RFX3: variants seen among roughly 807,000 people sequenced by gnomAD.
RFX3 encodes the protein transcription factor RFX3.
In RFX3, 14 loss-of-function variants were observed where a neutral mutation model predicts 98.6. The ratio of observed to expected loss-of-function variants is 0.14; its 90% CI spans 0.09 to 0.22. The LOEUF is 0.22. RFX3 is among the 10% of genes least tolerant of loss of function. The probability of loss-of-function intolerance (pLI) is 1.00; values close to 1 mark genes in which losing one functional copy is unlikely to be tolerated. For synonymous variants in RFX3, 383 were observed against 328.4 expected (o/e 1.17, Z -1.80); for missense variants, 639 against 926.9 (o/e 0.69, Z 4.03).
intron 7 of RFX3, among the ~76,000 whole-genome samples, chr9:3,279,663 T>C (rs367577041): frequency 2.0e-5 from 3 of 151,854 alleles, no homozygotes; most frequent in African/African-American, 7.2e-5. Flanking sequence ...AGACAGATGT[T>C]ACATCACAAT....
intron 2 of RFX3, among the ~76,000 whole-genome samples, chr9:3,388,534 C>A (rs75869866): frequency 6.6e-6 from 1 of 152,022 alleles, no homozygotes; most frequent in Non-Finnish European, 1.5e-5. Context: ...TATTCTATTC[C>A]TTTTAATGAC....
At chr9:3,235,101 T>C (rs1180930914) in intron 15 of RFX3, among the ~76,000 whole-genome samples, 1 of 152,232 alleles carries the variant, frequency 6.6e-6, no homozygotes, top group Admixed American at 6.5e-5. Flanking sequence ...AAGTCGAGAA[T>C]GACAGAAAAG....
intron 13 of RFX3, among the ~76,000 whole-genome samples, chr9:3,262,562 A>G (rs148832982): frequency 1.3e-5 from 2 of 152,222 alleles, no homozygotes; most frequent in African/African-American, 4.8e-5. Context: ...AGGTGTTGTA[A>G]GGTGGGGAAA....
chr9:3,437,928 G>C (rs1396608960), intron 1 of RFX3, among the ~76,000 whole-genome samples: 2 of 151,764 alleles, frequency 1.3e-5, no homozygotes, highest in African/African-American at 4.8e-5. Context: ...GGAAAGAATG[G>C]GTAGAGAGAC....
intron 1 of RFX3, among the ~76,000 whole-genome samples, chr9:3,415,619 C>T (rs1197284046): frequency 6.6e-6 from 1 of 152,098 alleles, no homozygotes; most frequent in African/African-American, 2.4e-5. Flanking sequence ...AAGGACTAAT[C>T]CCCTAAGATA....
Position 3,504,887 on chromosome 9 carries a change from A to G in RFX3, c.-9+20860T>C, listed in dbSNP as rs868112804. Among the ~76,000 whole-genome samples the G allele has an allele frequency of 2.6e-3, 162 of 63,164 alleles. 3 individuals are homozygous for G. Among genetic ancestry groups the G allele is most frequent in the South Asian group, 9.6e-3 (20 of 2,076 alleles). 41.4% of individuals were successfully genotyped at this position (63,164 alleles called of 152,430 possible). On this transcript the variant is annotated intron_variant, in intron 1 of 16. Coordinates refer to ENST00000617270, the MANE Select transcript of RFX3 (RefSeq NM_001282116.2). ...AATATATATTATATATATTATATATAATATAACATATATTATATATATATA... is the reference window on the plus strand; with the variant it reads ...AATATATATTATATATATTATATATGATATAACATATATTATATATATATA...
intron 4 of RFX3, among the ~76,000 whole-genome samples, chr9:3,313,354 C>A (rs1432100684): frequency 6.6e-6 from 1 of 152,178 alleles, no homozygotes; most frequent in Non-Finnish European, 1.5e-5. Flanking sequence ...CACACCAAAA[C>A]TCCATCTGTA....
At chr9:3,504,078 C>A (rs1347431897) in intron 1 of RFX3, among the ~76,000 whole-genome samples, 4 of 146,186 alleles carry the variant, frequency 2.7e-5, no homozygotes, top group African/African-American at 1.0e-4. Context: ...CGGCTCGATT[C>A]CTTAGTTTTG....
At chr9:3,328,035 C>T (rs994993723) in intron 4 of RFX3, among the ~76,000 whole-genome samples, 9 of 152,028 alleles carry the variant, frequency 5.9e-5, no homozygotes, top group Admixed American at 1.3e-4. Context: ...GGATGTTAAA[C>T]AGGTATCAGA....
chr9:3,395,562 G>C lies in RFX3; in HGVS notation c.27C>G (p.Asp9Glu). The C allele has an allele frequency of 1.2e-6, 2 of 1,614,094 alleles. No individual in the cohort carries two copies. The highest frequency in any genetic ancestry group is 2.2e-5 in the East Asian group (1 of 44,882). MQTSETGS[D>E]TGSTVTLQTS... is the part of the protein sequence containing the mutation. ...TTTGTAAGGTCACTGTCGAGCCTGT[G>C]TCCGACCCAGTCTCTGATGTCTGCA... The change falls in exon 2 of 17, where the codon GAC becomes GAG. Residue 9 changes from aspartate to glutamate, a missense_variant. Coordinates refer to ENST00000617270, the MANE Select transcript of RFX3 (RefSeq NM_001282116.2).
intron 4 of RFX3, among the ~76,000 whole-genome samples, chr9:3,322,200 C>T (rs1301159559): frequency 6.6e-6 from 1 of 151,988 alleles, no homozygotes; most frequent in Non-Finnish European, 1.5e-5. Context: ...TTTATGTTAA[C>T]TTAGGGAGGT....
intron 5 of RFX3, among the ~76,000 whole-genome samples, chr9:3,295,438 C>T (rs1827876495): frequency 6.6e-6 from 1 of 151,904 alleles, no homozygotes; most frequent in Admixed American, 6.6e-5. Context: ...GGTTGACCAC[C>T]TTCTAGTGGC....
chr9:3,291,390 A>AAAACAAAAC (rs944758764), intron 6 of RFX3, among the ~76,000 whole-genome samples: 1 of 139,870 alleles, frequency 7.1e-6, no homozygotes, highest in African/African-American at 3.1e-5. Flanking sequence ...AAACAAAAAC[A>AAAACAAAAC]AAAACAAAAC....
At chr9:3,284,087 T>C (rs1173898417) in intron 7 of RFX3, among the ~76,000 whole-genome samples, 3 of 151,936 alleles carry the variant, frequency 2.0e-5, no homozygotes, top group African/African-American at 4.8e-5. Flanking sequence ...AGATTGTGTA[T>C]GCAAATAACA....
At chr9:3,369,995 ATTTTTT>A (rs71324244) in intron 2 of RFX3, among the ~76,000 whole-genome samples, 22 of 132,614 alleles carry the variant, frequency 1.7e-4, no homozygotes, top group East Asian at 1.5e-3. Context: ...CGCCCGGCTA[ATTTTTT>A]TTTTTTTTTT....
intron 5 of RFX3, among the ~76,000 whole-genome samples, chr9:3,295,117 G>A (rs1472415280): frequency 6.6e-6 from 1 of 151,984 alleles, no homozygotes; most frequent in South Asian, 2.1e-4. Flanking sequence ...TATTCATTTA[G>A]TATAAAAGAG....
intron 1 of RFX3, among the ~76,000 whole-genome samples, chr9:3,443,131 A>C (rs542470758): frequency 6.6e-6 from 1 of 152,350 alleles, no homozygotes; most frequent in Admixed American, 6.5e-5. Context: ...ATTAATCATT[A>C]AGAAGGTACA....
intron 2 of RFX3, among the ~76,000 whole-genome samples, chr9:3,362,936 C>T (rs527496125): frequency 3.9e-5 from 6 of 152,176 alleles, no homozygotes; most frequent in South Asian, 2.1e-4. Flanking sequence ...AATTTCTCAG[C>T]GACAAAACAG....
intron 1 of RFX3, among the ~76,000 whole-genome samples, chr9:3,499,817 G>T (rs1189494647): frequency 6.6e-6 from 1 of 151,974 alleles, no homozygotes; most frequent in Non-Finnish European, 1.5e-5. Flanking sequence ...ACTTTCCACG[G>T]ATATTTTTGC....
Sources: gnomAD v4.1 joint callset for allele counts (sites outside exome capture counted in the v4.1 genomes callset) on GRCh38, gnomAD v4.1.1 for gene constraint, MANE v1.5 for transcripts, NCBI Gene and HGNC (gene_info 2026-07-23, HGNC 2026-07-21) for gene names.